Variants in KIAA1217 observed in about 807,000 individuals in gnomAD.
KIAA1217 encodes KIAA1217, also known as sickle tail protein homolog.
KIAA1217 carries 88 observed loss-of-function variants against 163.9 expected under a neutral mutation model. The observed-to-expected ratio is 0.54, with a 90% CI of 0.45 to 0.64. KIAA1217 has a LOEUF of 0.64. Among genes scored for constraint, KIAA1217 ranks in the 30% least tolerant of loss-of-function variants. The pLI is 0.00. For synonymous variants in KIAA1217, 903 were observed against 923.1 expected (o/e 0.98, Z 0.39); for missense variants, 2,372 against 2,475.0 (o/e 0.96, Z 0.88).
chr10:23,742,924 T>A (rs567541838), intron 1 of KIAA1217, among the ~76,000 whole-genome samples: 1 of 152,220 alleles, frequency 6.6e-6, no homozygotes, highest in African/African-American at 2.4e-5. Flanking sequence ...TTCTTGACCA[T>A]GTGTTCAAGG....
At chr10:23,794,785 G>A (rs143415754) in intron 1 of KIAA1217, among the ~76,000 whole-genome samples, 23 of 152,322 alleles carry the variant, frequency 1.5e-4, no homozygotes, top group South Asian at 4.1e-4. Context: ...TGATTTTAAC[G>A]TGTATACGTG....
chr10:24,486,349 G>A (rs12765435), intron 6 of KIAA1217, among the ~76,000 whole-genome samples: 30,051 of 152,092 alleles, frequency 0.2, 3,230 homozygotes, highest in South Asian at 0.37. Context: ...TGCCCTTCTC[G>A]GCTGGACTGG....
intron 2 of KIAA1217, among the ~76,000 whole-genome samples, chr10:24,288,165 A>G (rs937324838): frequency 1.3e-5 from 2 of 152,242 alleles, no homozygotes; most frequent in Non-Finnish European, 2.9e-5. Context: ...TCATTTGCCA[A>G]GATGACTTGT....
intron 2 of KIAA1217, among the ~76,000 whole-genome samples, chr10:24,132,179 A>C (rs950286501): frequency 1.3e-5 from 2 of 152,178 alleles, no homozygotes; most frequent in African/African-American, 4.8e-5. Context: ...GATGTACCTC[A>C]CTTCTGCCTT....
intron 1 of KIAA1217, among the ~76,000 whole-genome samples, chr10:23,721,197 ACT>A (rs1023922545): frequency 1.3e-4 from 20 of 152,038 alleles, no homozygotes; most frequent in African/African-American, 4.8e-4. Context: ...TTCCAAAGTG[ACT>A]CTAGGAATTT....
At chr10:24,249,397 C>T (rs144736997) in intron 2 of KIAA1217, among the ~76,000 whole-genome samples, 226 of 152,230 alleles carry the variant, frequency 1.5e-3, no homozygotes, top group Middle Eastern at 3.4e-3. Flanking sequence ...CTATAATTTA[C>T]GCAATTTTTA....
intron 5 of KIAA1217, among the ~76,000 whole-genome samples, chr10:24,465,753 C>A (rs2062876611): frequency 6.6e-6 from 1 of 152,184 alleles, no homozygotes; most frequent in East Asian, 1.9e-4. Flanking sequence ...GGACACGCAC[C>A]TTCTTGTACC....
chr10:23,756,283 T>C (rs1317274645), intron 1 of KIAA1217, among the ~76,000 whole-genome samples: 6 of 152,030 alleles, frequency 3.9e-5, no homozygotes, highest in African/African-American at 1.4e-4. Context: ...TTTAAAGAAG[T>C]ATAAGGTTTA....
chr10:24,416,116 T>C (rs921516453), intron 3 of KIAA1217, among the ~76,000 whole-genome samples: 4 of 152,214 alleles, frequency 2.6e-5, no homozygotes, highest in African/African-American at 9.6e-5. Context: ...GGAAAGCCTA[T>C]TGAAAGCTTT....
At chr10:24,298,588 A>C (rs979393393) in intron 2 of KIAA1217, among the ~76,000 whole-genome samples, 1 of 152,148 alleles carries the variant, frequency 6.6e-6, no homozygotes, top group Non-Finnish European at 1.5e-5. Flanking sequence ...ACCTGAGGTC[A>C]GGAGTTTGAG....
At chr10:24,322,759 A>C (rs1287788082) in intron 2 of KIAA1217, among the ~76,000 whole-genome samples, 1 of 152,126 alleles carries the variant, frequency 6.6e-6, no homozygotes, top group Non-Finnish European at 1.5e-5. Flanking sequence ...TGCTCATCTG[A>C]ATCCTGAAGA....
At chr10:23,755,493 T>C (rs1833874834) in intron 1 of KIAA1217, among the ~76,000 whole-genome samples, 1 of 152,172 alleles carries the variant, frequency 6.6e-6, no homozygotes, top group Admixed American at 6.5e-5. Context: ...ACAGTCCTAT[T>C]GGTAAGAGTA....
chr10:24,499,893 A>G (rs373693412), intron 8 of KIAA1217, among the ~76,000 whole-genome samples: 7 of 152,284 alleles, frequency 4.6e-5, no homozygotes, highest in Admixed American at 2.0e-4. Flanking sequence ...ATGGTCACTC[A>G]TGGATGAAGA....
At chr10:24,159,516 A>G (rs1353895133) in intron 2 of KIAA1217, among the ~76,000 whole-genome samples, 1 of 152,126 alleles carries the variant, frequency 6.6e-6, no homozygotes, top group East Asian at 1.9e-4. Flanking sequence ...GTGGTGACTC[A>G]TGCCTGTAAT....
chr10:24,290,748 G>A (rs1030475219), intron 2 of KIAA1217, among the ~76,000 whole-genome samples: 6 of 151,782 alleles, frequency 4.0e-5, no homozygotes, highest in Non-Finnish European at 8.8e-5. Flanking sequence ...GGTTACAGGT[G>A]CCCACCACCA....
chr10:23,844,885 C>T (rs1281019680), intron 1 of KIAA1217, among the ~76,000 whole-genome samples: 1 of 152,024 alleles, frequency 6.6e-6, no homozygotes, highest in Non-Finnish European at 1.5e-5. Context: ...GCTATCCTCC[C>T]CTAGCCCCCC....
chr10:24,089,512 G>C (rs113547230), intron 2 of KIAA1217, among the ~76,000 whole-genome samples: 1 of 77,768 alleles, frequency 1.3e-5, no homozygotes, highest in Admixed American at 1.3e-4. Flanking sequence ...CTTTCTACAT[G>C]TGGCTAGCCA....
At chr10:24,113,675 C>T (rs1489511798) in intron 2 of KIAA1217, among the ~76,000 whole-genome samples, 1 of 152,158 alleles carries the variant, frequency 6.6e-6, no homozygotes, top group Non-Finnish European at 1.5e-5. Context: ...CTGTCAAGAC[C>T]GGGAAGACGA....
intron 3 of KIAA1217, among the ~76,000 whole-genome samples, chr10:24,428,132 A>G (rs1248039567): frequency 6.6e-6 from 1 of 152,156 alleles, no homozygotes; most frequent in Non-Finnish European, 1.5e-5. Flanking sequence ...TGAAAATCAG[A>G]CCATCTTCTG....
Sources: allele counts gnomAD v4.1 joint callset (sites outside exome capture counted in the v4.1 genomes callset), GRCh38; gene constraint gnomAD v4.1.1; transcripts MANE v1.5; gene names NCBI Gene and HGNC (gene_info 2026-07-23, HGNC 2026-07-21).